The following TMCC1 variants were observed in gnomAD, a reference collection of about 807,000 sequenced individuals.
TMCC1 encodes the protein transmembrane and coiled-coil domain family 1.
A neutral mutation model predicts 52.4 loss-of-function variants in TMCC1; 15 were observed. That is an observed-to-expected ratio of 0.29 (90% CI 0.19 to 0.44). The LOEUF (loss-of-function observed/expected upper bound fraction) is 0.44, where lower values mean the gene tolerates loss of function less well. Among genes scored for constraint, TMCC1 ranks in the 20% least tolerant of loss-of-function variants. The pLI, the probability that TMCC1 is intolerant of heterozygous loss-of-function variation, is 1.00. For synonymous variants in TMCC1, 279 were observed against 301.9 expected, an observed-to-expected ratio of 0.92 and a Z score of 0.79; for missense variants, 503 against 806.0, an observed-to-expected ratio of 0.62 and a Z score of 4.55.
chr3:129,853,754 T>A (rs185789117), intron 2 of TMCC1, among the ~76,000 whole-genome samples: 2 of 152,158 alleles, frequency 1.3e-5, no homozygotes, highest in African/African-American at 4.8e-5. Context: ...ACCTGAAGAT[T>A]GATACATCTA....
At chr3:129,788,650 A>T (rs1458180880) in intron 4 of TMCC1, among the ~76,000 whole-genome samples, 41 of 150,650 alleles carry the variant, frequency 2.7e-4, no homozygotes, top group Admixed American at 2.4e-3. Context: ...TTGTATTTTT[A>T]GTAGAGACGG....
intron 4 of TMCC1, among the ~76,000 whole-genome samples, chr3:129,810,944 G>A (rs994965015): frequency 6.6e-6 from 1 of 152,184 alleles, no homozygotes; most frequent in African/African-American, 2.4e-5. Context: ...GTGAGCTTAA[G>A]GCAGAAAACA....
intron 2 of TMCC1, among the ~76,000 whole-genome samples, chr3:129,866,759 C>A (rs1360671684): frequency 6.6e-6 from 1 of 152,024 alleles, no homozygotes; most frequent in Non-Finnish European, 1.5e-5. Context: ...ATACATTTGG[C>A]ATTATTTACC....
chr3:129,828,348 CAAAT>C lies in TMCC1; in HGVS notation c.27_30del (p.Phe10ArgfsTer27). ...GATTTGCCTCCAGGATCAGGGTCCT[CAAAT>C]AACTGTTCACTGCCCGAAGGCTCCA... On this transcript the variant is annotated frameshift_variant, in exon 4 of 7. Transcript: ENST00000393238. LOFTEE classifies it high-confidence loss of function. This position sits in a 1 kb window ranked among gnomAD's most constrained non-coding sequence, Gnocchi z 4.1. 6.2e-7 allele frequency: 1 copy of C among 1,613,966 alleles called. No homozygotes were observed. Among genetic ancestry groups the C allele is most frequent in the Non-Finnish European group, 8.5e-7 (1 of 1,179,992 alleles).
At chr3:129,864,732 G>A (rs889817981) in intron 2 of TMCC1, among the ~76,000 whole-genome samples, 1 of 152,194 alleles carries the variant, frequency 6.6e-6, no homozygotes, top group Non-Finnish European at 1.5e-5. Flanking sequence ...ATGGGAGTCA[G>A]ATGCTGTCTC....
chr3:129,787,235 AC>A (rs2056104696), intron 4 of TMCC1, among the ~76,000 whole-genome samples: 1 of 152,224 alleles, frequency 6.6e-6, no homozygotes, highest in African/African-American at 2.4e-5. Flanking sequence ...AATTTCAATG[AC>A]AAAAACCTTT....
chr3:129,709,418 G>T (rs1302891146), intron 4 of TMCC1, among the ~76,000 whole-genome samples: 2 of 144,192 alleles, frequency 1.4e-5, no homozygotes, highest in Non-Finnish European at 3.0e-5. Context: ...CCAGGCTGTG[G>T]TGAGCTGAGA....
rs549579728 is a variant in TMCC1, at chr3:129,801,528, C to T, written c.576+26275G>A. 5.8e-4 allele frequency among the ~76,000 whole-genome samples: 89 copies of T among 152,278 alleles called. 2 individuals carry two copies. The South Asian group carries it at 0.018, about 30-fold the overall frequency. On this transcript the variant is annotated intron_variant, in intron 4 of 6. Coordinates refer to ENST00000393238, the MANE Select transcript of TMCC1 (RefSeq NM_001017395.5). ...CCAGGCTGGAATGCAGTGGCACGAT[C>T]TCGGGTCACTGCACCCTCTGCCCCC... is the stretch of plus-strand genomic sequence containing the variant.
At chr3:129,877,103 A>G (rs1004977842) in intron 2 of TMCC1, among the ~76,000 whole-genome samples, 2 of 152,218 alleles carry the variant, frequency 1.3e-5, no homozygotes, top group African/African-American at 4.8e-5. Flanking sequence ...ACCCAGAGTT[A>G]CAGATTTTTA....
chr3:129,781,035 T>C (rs1308115002), intron 4 of TMCC1, among the ~76,000 whole-genome samples: 1 of 152,186 alleles, frequency 6.6e-6, no homozygotes, highest in East Asian at 1.9e-4. Flanking sequence ...TACAGTTTCA[T>C]CCTCACAGAA....
In TMCC1 at chr3:129,648,120, G is replaced by T. The variant is rs1136553; in HGVS notation, c.*3361C>A. 0.081 allele frequency: 12,347 copies of T among 152,560 alleles called. 655 individuals carry two copies. Among genetic ancestry groups the T allele is most frequent in the East Asian group, 0.18 (914 of 5,178 alleles). The allele number at this position is 152,560 out of a possible 1,614,324, so 9.5% of individuals were successfully genotyped here. ...AAAATCCCAGGTTTCATTTGGGGTT[G>T]GGGTGTGGGAACCATAATTTTGCCT... On this transcript the variant is annotated 3_prime_UTR_variant, in exon 7 of 7. Coordinates refer to ENST00000393238, the MANE Select transcript of TMCC1 (RefSeq NM_001017395.5).
At chr3:129,844,626 G>C (rs532522065) in intron 2 of TMCC1, among the ~76,000 whole-genome samples, 1 of 152,068 alleles carries the variant, frequency 6.6e-6, no homozygotes, top group East Asian at 1.9e-4. Flanking sequence ...AACGGTAACC[G>C]CAAGAAAGGT....
At chr3:129,817,305 C>T (rs1019196183) in intron 4 of TMCC1, among the ~76,000 whole-genome samples, 50 of 152,082 alleles carry the variant, frequency 3.3e-4, no homozygotes, top group Admixed American at 1.8e-3. Flanking sequence ...AAGAGTCGGC[C>T]GGGTGTGGTG....
chr3:129,817,250 A>G (rs1332631637), intron 4 of TMCC1, among the ~76,000 whole-genome samples: 1 of 152,170 alleles, frequency 6.6e-6, no homozygotes, highest in Non-Finnish European at 1.5e-5. Flanking sequence ...TTTAAAACCA[A>G]AACAACCTTA....
chr3:129,724,505 G>A (rs918879841), intron 4 of TMCC1, among the ~76,000 whole-genome samples: 2 of 152,168 alleles, frequency 1.3e-5, no homozygotes, highest in African/African-American at 4.8e-5. Context: ...CTTTACTATG[G>A]AACAGGGAGA....
intron 2 of TMCC1, among the ~76,000 whole-genome samples, chr3:129,851,403 T>C (rs918179954): frequency 6.6e-6 from 1 of 151,988 alleles, no homozygotes; most frequent in African/African-American, 2.4e-5. Flanking sequence ...ATCACATAAA[T>C]CCCTTCAAAA....
intron 4 of TMCC1, among the ~76,000 whole-genome samples, chr3:129,756,043 A>G (rs563021135): frequency 7.9e-5 from 12 of 151,538 alleles, no homozygotes; most frequent in Non-Finnish European, 1.5e-4. Context: ...GGTTGCAGTG[A>G]GCCCAGATCA....
intron 2 of TMCC1, among the ~76,000 whole-genome samples, chr3:129,838,955 G>A (rs2059298647): frequency 6.6e-6 from 1 of 151,928 alleles, no homozygotes; most frequent in African/African-American, 2.4e-5. Flanking sequence ...AAAGAAAACT[G>A]CCCATCCAGT....
intron 4 of TMCC1, among the ~76,000 whole-genome samples, chr3:129,712,069 C>A (rs1483599143): frequency 6.8e-6 from 1 of 147,434 alleles, no homozygotes; most frequent in Non-Finnish European, 1.5e-5. Context: ...CCCAGCTACT[C>A]AGGAGGCTGA....
Sources: allele counts gnomAD v4.1 joint callset (sites outside exome capture counted in the v4.1 genomes callset), GRCh38; gene constraint gnomAD v4.1.1; non-coding constraint Gnocchi (gnomAD v3.1); transcripts MANE v1.5; gene names NCBI Gene and HGNC (gene_info 2026-07-23, HGNC 2026-07-21).